The following B3GALT1 variants were observed in gnomAD, a reference collection of about 807,000 sequenced individuals.
B3GALT1 encodes the protein beta-1,3-galactosyltransferase 1.
Under a neutral mutation model 23.2 loss-of-function variants are expected in B3GALT1, and 10 were observed. The ratio of observed to expected loss-of-function variants is 0.43; its 90% CI spans 0.27 to 0.73. B3GALT1 has a LOEUF of 0.73. Ranked by LOEUF, B3GALT1 falls within the 30% of genes least tolerant of loss-of-function variation. The pLI, the probability that B3GALT1 is intolerant of heterozygous loss-of-function variation, is 0.21. For synonymous variants in B3GALT1, 156 were observed against 141.5 expected (o/e 1.10, Z -0.73); for missense variants, 299 against 405.4 (o/e 0.74, Z 2.25).
chr2:167,774,094 T>G (rs1688118128), intron 3 of B3GALT1, among the ~76,000 whole-genome samples: 1 of 152,252 alleles, frequency 6.6e-6, no homozygotes, highest in Non-Finnish European at 1.5e-5. Flanking sequence ...TAACCTGATA[T>G]TCACTTGTTA....
In B3GALT1 at chr2:167,870,248, A is replaced by G. The variant is rs1227628859; in HGVS notation, c.*228A>G. On this transcript the variant is annotated 3_prime_UTR_variant, in exon 5 of 5. Transcript: ENST00000392690. ...CAGATTTCATTCTCAGTCCCAGAGCATTGCTATTTATCTCAAAAAGTGACT... is the reference window on the plus strand; with the variant it reads ...CAGATTTCATTCTCAGTCCCAGAGCGTTGCTATTTATCTCAAAAAGTGACT... 9.5e-6 allele frequency: 4 copies of G among 419,216 alleles called. No individual in the cohort carries two copies. Among genetic ancestry groups the G allele is most frequent in the Non-Finnish European group, 1.8e-5 (4 of 228,498 alleles). 26.0% of individuals were successfully genotyped at this position (419,216 alleles called of 1,614,324 possible).
chr2:167,770,133 G>A (rs991593049), intron 3 of B3GALT1, among the ~76,000 whole-genome samples: 8 of 152,156 alleles, frequency 5.3e-5, no homozygotes, highest in South Asian at 2.1e-4. Flanking sequence ...TTGAGACTGC[G>A]TCTCCCGCTG....
chr2:167,516,313 T>C (rs1176851040), intron 2 of B3GALT1, among the ~76,000 whole-genome samples: 1 of 152,158 alleles, frequency 6.6e-6, no homozygotes, highest in Non-Finnish European at 1.5e-5. Flanking sequence ...CAAGCCATCC[T>C]CAACACTTCT....
At chr2:167,786,834 G>A (rs1005863179) in intron 3 of B3GALT1, among the ~76,000 whole-genome samples, 2 of 152,108 alleles carry the variant, frequency 1.3e-5, no homozygotes, top group Admixed American at 6.6e-5. Flanking sequence ...AATATCTGAC[G>A]AGCTTGGCAC....
At chr2:167,354,963 GT>G in intron 1 of B3GALT1, among the ~76,000 whole-genome samples, 1 of 152,264 alleles carries the variant, frequency 6.6e-6, no homozygotes, top group Middle Eastern at 3.4e-3. Context: ...CTGACACCAT[GT>G]TTTGCTTATT....
chr2:167,845,417 G>A (rs1372700892), intron 4 of B3GALT1, among the ~76,000 whole-genome samples: 2 of 152,166 alleles, frequency 1.3e-5, no homozygotes, highest in Non-Finnish European at 2.9e-5. Flanking sequence ...TCATATCACA[G>A]GACTCTGTGC....
chr2:167,751,378 A>G (rs1687735918), intron 3 of B3GALT1, among the ~76,000 whole-genome samples: 1 of 152,210 alleles, frequency 6.6e-6, no homozygotes, highest in Non-Finnish European at 1.5e-5. Flanking sequence ...ACCAGATGAG[A>G]TTGGACAGAG....
intron 1 of B3GALT1, among the ~76,000 whole-genome samples, chr2:167,466,443 C>G (rs1000401925): frequency 6.6e-6 from 1 of 151,422 alleles, no homozygotes. Flanking sequence ...CATGGTGAAA[C>G]CCTGTCTCTA....
At chr2:167,588,263 C>A (rs528634403) in intron 2 of B3GALT1, among the ~76,000 whole-genome samples, 2 of 152,204 alleles carry the variant, frequency 1.3e-5, no homozygotes, top group African/African-American at 4.8e-5. Flanking sequence ...ACTATGATTA[C>A]CACTGATAAC....
intron 1 of B3GALT1, among the ~76,000 whole-genome samples, chr2:167,394,462 A>G (rs900189708): frequency 1.3e-5 from 2 of 152,120 alleles, no homozygotes; most frequent in East Asian, 1.9e-4. Flanking sequence ...GCAACAGGAT[A>G]TATTTATATA....
intron 4 of B3GALT1, among the ~76,000 whole-genome samples, chr2:167,861,614 G>A (rs752738496): frequency 2.0e-5 from 3 of 152,170 alleles, no homozygotes; most frequent in Non-Finnish European, 4.4e-5. Context: ...AAGTCATTCT[G>A]TTCTCAGCTC....
intron 3 of B3GALT1, among the ~76,000 whole-genome samples, chr2:167,811,260 A>G (rs1173732806): frequency 2.0e-5 from 3 of 152,326 alleles, no homozygotes; most frequent in African/African-American, 4.8e-5. Context: ...TTGTTTTCCA[A>G]TCAAAGGACT....
At chr2:167,449,699 T>G (rs2105319234) in intron 1 of B3GALT1, among the ~76,000 whole-genome samples, 1 of 152,318 alleles carries the variant, frequency 6.6e-6, no homozygotes, top group African/African-American at 2.4e-5. Context: ...TTTCAACTTT[T>G]CCTCATTCAG....
chr2:167,749,478 C>G (rs1687700177), intron 3 of B3GALT1, among the ~76,000 whole-genome samples: 1 of 152,178 alleles, frequency 6.6e-6, no homozygotes, highest in African/African-American at 2.4e-5. Context: ...TAAGAGACAA[C>G]AAACATTGAT....
rs1574072016 is a variant in B3GALT1 at position 167,420,958 on chromosome 2, A to G, written c.-510-69219A>G. 2.0e-5 allele frequency among the ~76,000 whole-genome samples: 3 copies of G among 152,330 alleles called. No individual in the cohort carries two copies. The Middle Eastern group carries it at 0.01, about 518-fold the overall frequency. On this transcript the variant is annotated intron_variant, in intron 1 of 4. Coordinates refer to ENST00000392690, the MANE Select transcript of B3GALT1 (RefSeq NM_020981.4). ...TAAAAAATGTAAGTGACTTATACTA[A>G]TGTCACCAGCTAGACATATTTAAGT...
At chr2:167,544,666 T>C (rs1652748256) in intron 2 of B3GALT1, among the ~76,000 whole-genome samples, 4 of 152,104 alleles carry the variant, frequency 2.6e-5, no homozygotes, top group African/African-American at 9.7e-5. Flanking sequence ...AAGGAGACTT[T>C]ACATGAAGAG....
chr2:167,468,078 G>T (rs1008936905), intron 1 of B3GALT1, among the ~76,000 whole-genome samples: 1 of 152,010 alleles, frequency 6.6e-6, no homozygotes, highest in African/African-American at 2.4e-5. Flanking sequence ...GTCTCCAAGG[G>T]CCATGAAACA....
intron 1 of B3GALT1, among the ~76,000 whole-genome samples, chr2:167,430,260 C>G (rs558212325): frequency 2.6e-5 from 4 of 152,202 alleles, no homozygotes; most frequent in Admixed American, 1.3e-4. Flanking sequence ...ATGCGGTGAC[C>G]AGTTTGGCTG....
intron 1 of B3GALT1, among the ~76,000 whole-genome samples, chr2:167,442,151 T>C (rs1698905273): frequency 6.6e-6 from 1 of 152,010 alleles, no homozygotes; most frequent in African/African-American, 2.4e-5. Flanking sequence ...GTTCTTGCGA[T>C]AGTTTACTGA....
Sources: gnomAD v4.1 joint callset for allele counts (sites outside exome capture counted in the v4.1 genomes callset) on GRCh38, gnomAD v4.1.1 for gene constraint, MANE v1.5 for transcripts, NCBI Gene and HGNC (gene_info 2026-07-23, HGNC 2026-07-21) for gene names.